Variants in SNAPC1 observed in about 807,000 individuals in gnomAD.
SNAPC1 encodes small nuclear RNA activating complex polypeptide 1.
In SNAPC1, 42 loss-of-function variants were observed where a neutral mutation model predicts 50.1. That is an observed-to-expected ratio of 0.84 (90% CI 0.65 to 1.08). The LOEUF (loss-of-function observed/expected upper bound fraction) is 1.08. Among genes scored for constraint, SNAPC1 ranks in the 50% least tolerant of loss-of-function variants. The pLI is 0.00. For synonymous variants in SNAPC1, 164 were observed against 144.2 expected, an observed-to-expected ratio of 1.14 and a Z score of -0.98; for missense variants, 477 against 427.3, an observed-to-expected ratio of 1.12 and a Z score of -1.02.
intron 8 of SNAPC1, among the ~76,000 whole-genome samples, 156 bp from the exon 9 acceptor site, chr14:61,792,651 T>C (rs902774996): frequency 2.0e-5 from 3 of 152,222 alleles, no homozygotes; most frequent in Admixed American, 6.5e-5. Flanking sequence ...TGAAAAAATA[T>C]AGGTATTCTA....
rs201926413 is a variant in SNAPC1 at position 61,767,321 on chromosome 14, G to A, written c.398G>A (p.Arg133Lys). The A allele has an allele frequency of 2.4e-4, 360 of 1,500,716 alleles. No individual in the cohort carries two copies. Among genetic ancestry groups the A allele is most frequent in the Non-Finnish European group, 3.1e-4 (345 of 1,123,950 alleles). 93.0% of individuals were successfully genotyped at this position (1,500,716 alleles called of 1,614,324 possible). A position where few individuals can be genotyped will look rare whatever the true frequency, so the allele number is the denominator to read the frequency against. The part of the protein sequence containing the change: ...AYIFRKLRLD[R>K]AFHFTAMPKL... ...ATTTTTAGGAAGCTACGACTAGACA[G>A]AGCATTTCACTTTACAGCAATGCCC... The change falls in exon 3 of 10, where the codon AGA (arginine) becomes AAA (lysine). Residue 133 changes from arginine to lysine, a missense_variant. Coordinates refer to ENST00000216294, the MANE Select transcript of SNAPC1 (RefSeq NM_003082.4).
At position 61,795,252 on chromosome 14, in the gene SNAPC1, T is replaced by C. The variant is rs187180835; in HGVS notation, c.*269T>C. ...AGAAAAAATTCTGTTATTCGCAGATTGTTACTATTTCCTATAAGGTTTTGT... is the reference window on the plus strand; with the variant it reads ...AGAAAAAATTCTGTTATTCGCAGATCGTTACTATTTCCTATAAGGTTTTGT... On this transcript the variant is annotated 3_prime_UTR_variant, in exon 10 of 10. Coordinates refer to ENST00000216294, the MANE Select transcript of SNAPC1 (RefSeq NM_003082.4). The C allele has an allele frequency of 1.8e-3, 678 of 377,636 alleles. 7 individuals carry two copies. The highest frequency in any genetic ancestry group is 0.011 in the South Asian group (309 of 27,092). 23.4% of individuals were successfully genotyped at this position (377,636 alleles called of 1,614,324 possible). A position where few individuals can be genotyped will look rare whatever the true frequency, so the allele number is the denominator to read the frequency against.
chr14:61,775,678 G>A (rs545332689), intron 4 of SNAPC1, among the ~76,000 whole-genome samples: 1 of 152,286 alleles, frequency 6.6e-6, no homozygotes, highest in African/African-American at 2.4e-5. Flanking sequence ...GGAATTTCCA[G>A]CAGAGCATAA....
chr14:61,786,033 A>G (rs1269613197), intron 8 of SNAPC1, among the ~76,000 whole-genome samples: 1 of 152,172 alleles, frequency 6.6e-6, no homozygotes, highest in African/African-American at 2.4e-5. Context: ...AACATTTAAG[A>G]AAGGAGTGAT....
At position 61,782,268 on chromosome 14, in the gene SNAPC1, C is replaced by A. The variant is rs752838381; in HGVS notation, c.847C>A (p.Arg283Ser). 9 of 1,600,688 alleles carry A rather than the reference C, an allele frequency of 5.6e-6. No individual in the cohort carries two copies. Among genetic ancestry groups the A allele is most frequent in the Non-Finnish European group, 4.3e-6 (5 of 1,175,606 alleles). ...TAAGGCATCCAAATCAAGAAGGCAT[C>A]GTCAAGTCAAACTCGACTCTTCTGA... is the stretch of plus-strand genomic sequence containing the variant. ...VIQASKSRRHRQVKLDSSDSD... is the reference protein window; with the variant it reads ...VIQASKSRRHSQVKLDSSDSD... Residue 283 changes from arginine to serine, a missense_variant, in exon 8 of 10, where the codon CGT becomes AGT. Physicochemically the swap from Arg to Ser is moderately radical, Grantham distance 110. Transcript: ENST00000216294.
chr14:61,790,764 C>G (rs1341938424), intron 8 of SNAPC1, among the ~76,000 whole-genome samples: 1 of 152,028 alleles, frequency 6.6e-6, no homozygotes, highest in Admixed American at 6.5e-5. Flanking sequence ...TCATACTGTG[C>G]TACCTCCCAG....
chr14:61,768,464 C>T (rs1422453621), intron 3 of SNAPC1, among the ~76,000 whole-genome samples, 172 bp from the exon 4 acceptor site: 1 of 152,172 alleles, frequency 6.6e-6, no homozygotes, highest in African/African-American at 2.4e-5. Context: ...GAGGATACTT[C>T]ACAAGTCTAA....
At chr14:61,769,558 C>T (rs1045482660) in intron 4 of SNAPC1, among the ~76,000 whole-genome samples, 52 of 151,718 alleles carry the variant, frequency 3.4e-4, no homozygotes, top group Non-Finnish European at 5.4e-4. Flanking sequence ...CCACCATGCC[C>T]GGCTGATTTT....
At chr14:61,775,064 G>A (rs1594646321) in intron 4 of SNAPC1, among the ~76,000 whole-genome samples, 1 of 152,126 alleles carries the variant, frequency 6.6e-6, no homozygotes, top group East Asian at 1.9e-4. Context: ...GTCCATCTGT[G>A]ATGGAAGTGT....
chr14:61,782,277 A>G lies in SNAPC1; in HGVS notation c.856A>G (p.Lys286Glu). ...CAAATCAAGAAGGCATCGTCAAGTC[A>G]AACTCGACTCTTCTGACTCTGATTC... ...ASKSRRHRQV[K>E]LDSSDSDSAS... is the part of the protein sequence containing the mutation. The change falls in exon 8 of 10, where the codon AAA becomes GAA. Residue 286 changes from lysine (K) to glutamate (E), a missense_variant. Physicochemically the swap from Lys to Glu is moderately conservative, Grantham distance 56. Transcript: ENST00000216294. 3 of 1,606,864 alleles carry G rather than the reference A, an allele frequency of 1.9e-6. No homozygotes were observed.
intron 8 of SNAPC1, among the ~76,000 whole-genome samples, 197 bp downstream of exon 8, chr14:61,782,594 A>G (rs2045084226): frequency 6.6e-6 from 1 of 152,188 alleles, no homozygotes; most frequent in African/African-American, 2.4e-5. Flanking sequence ...ATCATATCAA[A>G]TGTATCGTTT....
chr14:61,789,015 A>G (rs1375832484), intron 8 of SNAPC1, among the ~76,000 whole-genome samples: 1 of 152,092 alleles, frequency 6.6e-6, no homozygotes, highest in African/African-American at 2.4e-5. Flanking sequence ...GGCAGATCAC[A>G]AGGTCAGGAG....
rs1297872601 is a variant in SNAPC1, at chr14:61,768,635, G to T, written c.430-1G>T. ...TTAAAAAGACACGTATTATCACATA[G>T]CTGTCATATAGGATGAAGAAAAAAA... On this transcript the variant is annotated splice_acceptor_variant, in intron 3 of 9. Transcript: ENST00000216294. LOFTEE classifies it high-confidence loss of function. 1.3e-6 allele frequency: 2 copies of T among 1,502,898 alleles called. No individual in the cohort carries two copies. Among genetic ancestry groups the T allele is most frequent in the Non-Finnish European group, 1.8e-6 (2 of 1,081,446 alleles). 93.1% of individuals were successfully genotyped at this position (1,502,898 alleles called of 1,614,324 possible). A position where few individuals can be genotyped will look rare whatever the true frequency, so the allele number is the denominator to read the frequency against.
chr14:61,767,963 A>G (rs1282599052), intron 3 of SNAPC1, among the ~76,000 whole-genome samples: 1 of 152,178 alleles, frequency 6.6e-6, no homozygotes, highest in African/African-American at 2.4e-5. Flanking sequence ...TATTTTTAGT[A>G]GAGATGGGGT....
chr14:61,766,283 G>C (rs1306965255), intron 1 of SNAPC1, among the ~76,000 whole-genome samples: 2 of 152,100 alleles, frequency 1.3e-5, no homozygotes, highest in African/African-American at 4.8e-5. Flanking sequence ...CATTCCACAA[G>C]TTACTTCAAG....
chr14:61,776,760 G>T (rs941693347), intron 5 of SNAPC1, among the ~76,000 whole-genome samples: 1 of 152,206 alleles, frequency 6.6e-6, no homozygotes, highest in East Asian at 1.9e-4. Flanking sequence ...GGACCTGAGT[G>T]GGGGCTTTTC....
Position 61,782,417 on chromosome 14 carries a change from C to G in SNAPC1, c.976+20C>G. ...ACAAAGGTAACTTTTTAAAGTCTTA[C>G]TAAGATTCAACAAAGGAGAATGGGT... On this transcript the variant is annotated intron_variant, in intron 8 of 9. Coordinates refer to ENST00000216294, the MANE Select transcript of SNAPC1 (RefSeq NM_003082.4). The G allele has an allele frequency of 1.9e-6, 3 of 1,586,830 alleles. No homozygotes were observed. The highest frequency in any genetic ancestry group is 2.6e-6 in the Non-Finnish European group (3 of 1,166,968).
At chr14:61,779,485 C>A (rs1047892354) in intron 7 of SNAPC1, among the ~76,000 whole-genome samples, 1 of 151,678 alleles carries the variant, frequency 6.6e-6, no homozygotes, top group African/African-American at 2.4e-5. Flanking sequence ...TCTTCTGAAC[C>A]ATTATATTGA....
chr14:61,773,251 C>T (rs1025343692), intron 4 of SNAPC1, among the ~76,000 whole-genome samples: 1 of 152,136 alleles, frequency 6.6e-6, no homozygotes, highest in Non-Finnish European at 1.5e-5. Flanking sequence ...CAAATTATTT[C>T]ATTTCTGTTT....
Sources: allele counts gnomAD v4.1 joint callset (sites outside exome capture counted in the v4.1 genomes callset), GRCh38; gene constraint gnomAD v4.1.1; transcripts MANE v1.5; gene names NCBI Gene and HGNC (gene_info 2026-07-23, HGNC 2026-07-21).